Variants in GNAI1 observed in about 807,000 individuals in gnomAD.
GNAI1 encodes guanine nucleotide-binding protein G(i) subunit alpha-1.
GNAI1 carries 11 observed loss-of-function variants against 38.9 expected under a neutral mutation model. The observed-to-expected ratio is 0.28, with a 90% confidence interval of 0.18 to 0.47. The LOEUF (loss-of-function observed/expected upper bound fraction) is 0.47, where lower values mean the gene tolerates loss of function less well. GNAI1 is among the 20% of genes least tolerant of loss of function. GNAI1 has a pLI of 0.99. For missense variants in GNAI1, 317 were observed against 436.9 expected (o/e 0.73, Z 2.45); for synonymous variants, 166 against 145.1 (o/e 1.14, Z -1.04).
Position 80,157,344 on chromosome 7 carries a change from C to T in GNAI1, c.118+22066C>T, listed in dbSNP as rs140970003. Among the ~76,000 whole-genome samples, 61 of 152,274 alleles carry T rather than the reference C, an allele frequency of 4.0e-4. No homozygotes were observed. The East Asian group carries it at 0.011, about 27-fold the overall frequency. Reference sequence around the variant, plus strand: ...GAATGCACCACAGTTTATCTGTTCACCTACTGAATGACATCTTAGTTTGCC... The same window carrying T: ...GAATGCACCACAGTTTATCTGTTCATCTACTGAATGACATCTTAGTTTGCC... On this transcript the variant is annotated intron_variant, in intron 1 of 7. Coordinates refer to ENST00000649796, the MANE Select transcript of GNAI1 (RefSeq NM_002069.6).
At chr7:80,182,372 T>C (rs1242818451) in intron 1 of GNAI1, among the ~76,000 whole-genome samples, 1 of 152,224 alleles carries the variant, frequency 6.6e-6, no homozygotes, top group Non-Finnish European at 1.5e-5. Context: ...TGTAATAGTA[T>C]GATACCTATC....
intron 1 of GNAI1, chr7:80,136,082 A>G (rs1423378857): frequency 1.0e-6 from 1 of 978,766 alleles, no homozygotes; most frequent in Non-Finnish European, 1.2e-6. Flanking sequence ...GGTACACGCA[A>G]GGCTTTTATT....
chr7:80,215,667 C>T (rs747187762), intron 7 of GNAI1, among the ~76,000 whole-genome samples: 5 of 152,116 alleles, frequency 3.3e-5, no homozygotes, highest in Admixed American at 6.5e-5. Flanking sequence ...GAAGAGTTCA[C>T]ATTCTAGTTT....
intron 1 of GNAI1, among the ~76,000 whole-genome samples, chr7:80,137,293 C>CTTTTCTTTTCT (rs1787432808): frequency 1.6e-4 from 15 of 95,260 alleles, no homozygotes; most frequent in Non-Finnish European, 2.5e-4. Flanking sequence ...TTTCTTTTTT[C>CTTTTCTTTTCT]TTTTTTTTTT....
chr7:80,172,243 A>G lies in GNAI1; in HGVS notation c.119-16708A>G, dbSNP rs533944247. Among the ~76,000 whole-genome samples the G allele has an allele frequency of 1.8e-4, 28 of 152,368 alleles. No homozygotes were observed. In the South Asian group the frequency reaches 5.4e-3, roughly 29 times the overall value. On this transcript the variant is annotated intron_variant, in intron 1 of 7. Transcript: ENST00000649796. ...CTGAAAGGTCTTTGGGTCCAGTTCT[A>G]GAAATGCCTGGAATGCCATGCTAAG...
chr7:80,178,230 C>T (rs1217874054), intron 1 of GNAI1, among the ~76,000 whole-genome samples: 1 of 152,200 alleles, frequency 6.6e-6, no homozygotes, highest in Non-Finnish European at 1.5e-5. Flanking sequence ...AAAATGGTTT[C>T]TTGAGATGGA....
intron 1 of GNAI1, among the ~76,000 whole-genome samples, chr7:80,156,044 A>AAAG (rs1787812478): frequency 6.9e-6 from 1 of 144,980 alleles, no homozygotes; most frequent in Admixed American, 6.9e-5. Context: ...CTCTGTCTCA[A>AAAG]AAAAAAAAAA....
chr7:80,199,134 C>G, intron 3 of GNAI1, 91 bp from the exon 4 acceptor site: 1 of 786,690 alleles, frequency 1.3e-6, no homozygotes, highest in Non-Finnish European at 1.9e-6. Context: ...TCGCTATTGC[C>G]TTTTTTTTTT....
At chr7:80,185,406 A>C (rs1004072775) in intron 1 of GNAI1, among the ~76,000 whole-genome samples, 3 of 152,156 alleles carry the variant, frequency 2.0e-5, no homozygotes, top group African/African-American at 7.2e-5. Flanking sequence ...GTAGATCCTG[A>C]ATTCCAATTT....
chr7:80,195,126 G>C (rs2115654380), intron 3 of GNAI1, among the ~76,000 whole-genome samples: 2 of 151,536 alleles, frequency 1.3e-5, no homozygotes, highest in Non-Finnish European at 3.0e-5. Context: ...TCAATACCAG[G>C]AACACTTAAA....
intron 1 of GNAI1, among the ~76,000 whole-genome samples, chr7:80,175,382 G>GTA (rs1788166678): frequency 2.0e-5 from 3 of 151,960 alleles, no homozygotes; most frequent in Admixed American, 2.0e-4. Flanking sequence ...GTGTGTGTGT[G>GTA]TGTATAAAAA....
chr7:80,160,517 G>T (rs1439969738), intron 1 of GNAI1, among the ~76,000 whole-genome samples: 4 of 152,028 alleles, frequency 2.6e-5, no homozygotes, highest in African/African-American at 4.8e-5. Flanking sequence ...GTCAAAGTTT[G>T]GGAATTGACC....
In GNAI1 at chr7:80,217,303, G is replaced by A. The variant is rs767511386; in HGVS notation, c.875G>A (p.Gly292Glu). ...TGTTTCTTTCCTTTTTCCATCTCAG[G>A]ATCAAACACATATGAAGAGGCAGCT... Reference protein sequence around the residue: ...PLTICYPEYAGSNTYEEAAAY... With the variant: ...PLTICYPEYAESNTYEEAAAY... The change falls in exon 8 of 8, where the codon GGA becomes GAA. Residue 292 changes from glycine to glutamate, a missense_variant and splice_region_variant. Gly to Glu is a moderately conservative substitution (Grantham distance 98). Transcript: ENST00000649796. 4.6e-6 allele frequency: 7 copies of A among 1,531,466 alleles called. No individual in the cohort carries two copies. The highest frequency in any genetic ancestry group is 2.1e-5 in the Admixed American group (1 of 47,336). 94.9% of individuals were successfully genotyped at this position (1,531,466 alleles called of 1,614,324 possible).
At chr7:80,180,737 A>G (rs1788279845) in intron 1 of GNAI1, among the ~76,000 whole-genome samples, 1 of 152,082 alleles carries the variant, frequency 6.6e-6, no homozygotes, top group African/African-American at 2.4e-5. Flanking sequence ...AGAGTGATAT[A>G]TTTCCTGCTT....
intron 1 of GNAI1, among the ~76,000 whole-genome samples, chr7:80,158,018 A>G (rs78349084): frequency 0.012 from 1,839 of 152,182 alleles, 17 homozygotes; most frequent in East Asian, 0.046. Context: ...CCTGAAGAAT[A>G]TTTTTATACG....
chr7:80,136,416 G>C (rs1384550334), intron 1 of GNAI1, among the ~76,000 whole-genome samples: 1 of 152,064 alleles, frequency 6.6e-6, no homozygotes, highest in Non-Finnish European at 1.5e-5. Flanking sequence ...TTTAATGACT[G>C]CAGAAAAAAT....
chr7:80,138,911 G>T (rs1281463991), intron 1 of GNAI1, among the ~76,000 whole-genome samples: 1 of 152,050 alleles, frequency 6.6e-6, no homozygotes, highest in African/African-American at 2.4e-5. Context: ...TTCTATTGCT[G>T]CCACCAGGCA....
Position 80,222,125 on chromosome 7 carries a change from T to TA in GNAI1, c.*4633dup, listed in dbSNP as rs145431403. On this transcript the variant is annotated 3_prime_UTR_variant, in exon 8 of 8. Transcript: ENST00000649796. The stretch of plus-strand genomic sequence containing the variant: ...TGGATTTTGTAGTTACTTTAAAAGT[T>TA]ACGAAATTTCACATTTCATCAAGTC... Among the ~76,000 whole-genome samples the TA allele has an allele frequency of 0.098, 14,833 of 152,124 alleles. 842 individuals carry two copies. The highest frequency in any genetic ancestry group is 0.19 in the South Asian group (931 of 4,814).
intron 1 of GNAI1, among the ~76,000 whole-genome samples, chr7:80,140,712 C>T (rs925903794): frequency 7.2e-5 from 11 of 152,082 alleles, no homozygotes; most frequent in African/African-American, 2.4e-4. Flanking sequence ...AATTAAAAGC[C>T]GTAACGGAAA....
Sources: gnomAD v4.1 joint callset for allele counts (sites outside exome capture counted in the v4.1 genomes callset) on GRCh38, gnomAD v4.1.1 for gene constraint, MANE v1.5 for transcripts, NCBI Gene and HGNC (gene_info 2026-07-23, HGNC 2026-07-21) for gene names.